FOXP2: variants seen among roughly 807,000 people sequenced by gnomAD.
FOXP2 encodes forkhead box P2.
In FOXP2, 12 loss-of-function variants were observed where a neutral mutation model predicts 115.8. That is an observed-to-expected ratio of 0.10 (90% CI 0.07 to 0.17). FOXP2 has a LOEUF of 0.17. Among genes scored for constraint, FOXP2 ranks in the 10% least tolerant of loss-of-function variants. The pLI is 1.00. For missense variants in FOXP2, 629 were observed against 843.5 expected (o/e 0.75, Z 3.15); for synonymous variants, 328 against 297.7 (o/e 1.10, Z -1.05).
intron 2 of FOXP2, among the ~76,000 whole-genome samples, chr7:114,329,007 G>A (rs1202003592): frequency 6.6e-6 from 1 of 152,082 alleles, no homozygotes; most frequent in Non-Finnish European, 1.5e-5. Context: ...GATGGGGAAG[G>A]AACTATACAG....
intron 3 of FOXP2, among the ~76,000 whole-genome samples, chr7:114,574,655 C>T (rs1801485942): frequency 1.3e-5 from 2 of 151,868 alleles, no homozygotes; most frequent in African/African-American, 4.8e-5. Flanking sequence ...CACCTATCTG[C>T]AAGTAATCTT....
In FOXP2 at chr7:114,341,600, A is replaced by G. The variant is rs140662312; in HGVS notation, c.-11+53491A>G. Among the ~76,000 whole-genome samples, 1,386 of 151,530 alleles carry G rather than the reference A, an allele frequency of 9.1e-3. 19 individuals carry two copies. The highest frequency in any genetic ancestry group is 0.032 in the African/African-American group (1,319 of 41,466). ...ATGCCAGTAGGTGTTGATGGCCTAT[A>G]ACTACTAACTGTAGTAATCAGAAAT... On this transcript the variant is annotated intron_variant, in intron 2 of 17. Coordinates refer to the FOXP2 transcript ENST00000634411.
intron 3 of FOXP2, among the ~76,000 whole-genome samples, chr7:114,577,039 T>G (rs1020442557): frequency 6.6e-6 from 1 of 151,616 alleles, no homozygotes; most frequent in African/African-American, 2.4e-5. Context: ...TCATTTTTCT[T>G]TCTTATTGAA....
At chr7:114,624,173 G>C (rs942988162) in intron 3 of FOXP2, among the ~76,000 whole-genome samples, 16 of 151,758 alleles carry the variant, frequency 1.1e-4, no homozygotes, top group African/African-American at 3.9e-4. Flanking sequence ...CAGAAGAAAT[G>C]TATCAAGAAT....
At chr7:114,353,950 C>T (rs1387974205) in intron 2 of FOXP2, among the ~76,000 whole-genome samples, 1 of 151,942 alleles carries the variant, frequency 6.6e-6, no homozygotes, top group Non-Finnish European at 1.5e-5. Flanking sequence ...TTGACTGGGC[C>T]GAGGGATGAC....
rs375179591 is a variant in FOXP2 at position 114,537,838 on chromosome 7, G to C, written c.258+3132G>C. The stretch of plus-strand genomic sequence containing the variant: ...AATAGGTGCAATCAGCAAGTACATT[G>C]ATTAATGGCATATTGATGAATAATA... On this transcript the variant is annotated intron_variant, in intron 3 of 16. Transcript: ENST00000350908. 5.9e-5 allele frequency among the ~76,000 whole-genome samples: 9 copies of C among 151,708 alleles called. No individual in the cohort carries two copies. The South Asian group carries it at 1.7e-3, about 28-fold the overall frequency.
intron 1 of FOXP2, among the ~76,000 whole-genome samples, chr7:114,090,030 G>A (rs1034882090): frequency 6.6e-6 from 1 of 151,996 alleles, no homozygotes; most frequent in East Asian, 1.9e-4. Flanking sequence ...TATTTGTGAC[G>A]TTTTTGGATT....
chr7:114,644,207 A>G (rs1240273370), intron 7 of FOXP2, among the ~76,000 whole-genome samples: 1 of 152,232 alleles, frequency 6.6e-6, no homozygotes, highest in Non-Finnish European at 1.5e-5. Context: ...TTTCTAAATC[A>G]GGTGTAACTA....
chr7:114,170,241 C>G (rs1793102137), intron 1 of FOXP2, among the ~76,000 whole-genome samples: 1 of 152,124 alleles, frequency 6.6e-6, no homozygotes, highest in African/African-American at 2.4e-5. Context: ...CCATGTAAAA[C>G]AGCAAACTTA....
intron 2 of FOXP2, among the ~76,000 whole-genome samples, chr7:114,331,099 T>C (rs1797698558): frequency 6.6e-6 from 1 of 152,232 alleles, no homozygotes; most frequent in Non-Finnish European, 1.5e-5. Context: ...CATCCATTGT[T>C]ATTTAAATAA....
intron 3 of FOXP2, among the ~76,000 whole-genome samples, chr7:114,563,783 T>A (rs1175208641): frequency 1.3e-5 from 2 of 152,230 alleles, no homozygotes; most frequent in African/African-American, 2.4e-5. Flanking sequence ...TATTTCCAAA[T>A]GAACCAAATT....
intron 2 of FOXP2, among the ~76,000 whole-genome samples, chr7:114,511,495 T>C (rs1798072645): frequency 6.6e-6 from 1 of 152,032 alleles, no homozygotes; most frequent in African/African-American, 2.4e-5. Context: ...AGTGTGAGCA[T>C]TGGGGGAAGG....
chr7:114,614,293 A>C (rs1268738782), intron 3 of FOXP2, among the ~76,000 whole-genome samples: 1 of 148,816 alleles, frequency 6.7e-6, no homozygotes, highest in Non-Finnish European at 1.5e-5. Flanking sequence ...TGCTGTCTTT[A>C]TAAATTAGGT....
At chr7:114,603,117 G>T (rs896299402) in intron 3 of FOXP2, among the ~76,000 whole-genome samples, 1 of 152,104 alleles carries the variant, frequency 6.6e-6, no homozygotes, top group African/African-American at 2.4e-5. Flanking sequence ...CCACCATGAT[G>T]CCAGTTTTTC....
At chr7:114,688,133 G>A (rs1332376343) in intron 16 of FOXP2, among the ~76,000 whole-genome samples, 1 of 143,058 alleles carries the variant, frequency 7.0e-6, no homozygotes, top group Non-Finnish European at 1.5e-5. Context: ...TAATGTGCTT[G>A]TCCTTTTCCT....
intron 2 of FOXP2, among the ~76,000 whole-genome samples, chr7:114,489,078 C>T (rs1279211071): frequency 6.6e-6 from 1 of 152,122 alleles, no homozygotes; most frequent in African/African-American, 2.4e-5. Context: ...TGGGCACTTT[C>T]TAAGTGATAA....
At chr7:114,198,111 A>G (rs777578725) in intron 1 of FOXP2, among the ~76,000 whole-genome samples, 1 of 152,034 alleles carries the variant, frequency 6.6e-6, no homozygotes, top group Non-Finnish European at 1.5e-5. Context: ...TGATCCGCCC[A>G]TGTCAGCCTC....
At chr7:114,342,375 T>A (rs1791237760) in intron 2 of FOXP2, among the ~76,000 whole-genome samples, 1 of 151,172 alleles carries the variant, frequency 6.6e-6, no homozygotes, top group African/African-American at 2.4e-5. Flanking sequence ...TCAATATAGT[T>A]ATAGTTCCAA....
chr7:114,279,122 C>T (rs1796265859), intron 1 of FOXP2, among the ~76,000 whole-genome samples: 1 of 152,100 alleles, frequency 6.6e-6, no homozygotes, highest in Non-Finnish European at 1.5e-5. Flanking sequence ...ATTTAAATTG[C>T]TTTAATATTA....
Sources: allele counts gnomAD v4.1 joint callset (sites outside exome capture counted in the v4.1 genomes callset), GRCh38; gene constraint gnomAD v4.1.1; transcripts MANE v1.5; gene names NCBI Gene and HGNC (gene_info 2026-07-23, HGNC 2026-07-21).